The following EHBP1 variants were observed in gnomAD, a reference collection of about 807,000 sequenced individuals.
EHBP1 encodes EH domain-binding protein 1.
In EHBP1, 55 loss-of-function variants were observed where a neutral mutation model predicts 144.0. The ratio of observed to expected loss-of-function variants is 0.38; its 90% confidence interval spans 0.31 to 0.48. EHBP1 has a LOEUF of 0.48. Ranked by LOEUF, EHBP1 falls within the 20% of genes least tolerant of loss-of-function variation. The pLI, the probability that EHBP1 is intolerant of heterozygous loss-of-function variation, is 0.98. For synonymous variants in EHBP1, 469 were observed against 472.7 expected (o/e 0.99, Z 0.10); for missense variants, 1,200 against 1,364.2 (o/e 0.88, Z 1.90).
chr2:62,948,899 G>A lies in EHBP1; in HGVS notation c.2053G>A (p.Glu685Lys). The A allele has an allele frequency of 6.2e-7, 1 of 1,613,914 alleles. No individual in the cohort carries two copies. ...ACCCTTTATTTGTGAGGAGACAGAT[G>A]AACAAAAGCTTCAAACTCTAGACAT... ...SPPFICEETD[E>K]QKLQTLDIGS... Residue 685 changes from glutamate to lysine, a missense_variant, in exon 13 of 23, where the codon GAA (glutamate) becomes AAA (lysine). Glu to Lys is a moderately conservative substitution (Grantham distance 56, BLOSUM62 1). Transcript: ENST00000431489.
chr2:62,987,703 T>C (rs2059255028), intron 15 of EHBP1, among the ~76,000 whole-genome samples: 1 of 152,102 alleles, frequency 6.6e-6, no homozygotes, highest in Non-Finnish European at 1.5e-5. Context: ...GTCAAAACCT[T>C]TGCATCTGCT....
chr2:62,746,454 T>C (rs940263622), intron 2 of EHBP1, among the ~76,000 whole-genome samples: 1 of 152,024 alleles, frequency 6.6e-6, no homozygotes, highest in Non-Finnish European at 1.5e-5. Context: ...AGCACGGGAT[T>C]CCAGTGTAAA....
chr2:62,742,122 C>G (rs1473350429), intron 2 of EHBP1, among the ~76,000 whole-genome samples: 3 of 152,082 alleles, frequency 2.0e-5, no homozygotes, highest in African/African-American at 7.2e-5. Context: ...ACCATATAGT[C>G]TAGGTATGTA....
intron 10 of EHBP1, among the ~76,000 whole-genome samples, chr2:62,921,195 C>A (rs1430981772): frequency 6.6e-6 from 1 of 152,112 alleles, no homozygotes; most frequent in Non-Finnish European, 1.5e-5. Flanking sequence ...CCTGTAATCC[C>A]AGCACTTTGG....
intron 2 of EHBP1, among the ~76,000 whole-genome samples, chr2:62,737,664 G>C (rs1315070595): frequency 6.6e-6 from 1 of 152,072 alleles, no homozygotes; most frequent in Non-Finnish European, 1.5e-5. Context: ...AACTTTTGAG[G>C]AACTGCCAGA....
chr2:62,946,355 G>T (rs1202435576), intron 12 of EHBP1, among the ~76,000 whole-genome samples: 1 of 152,016 alleles, frequency 6.6e-6, no homozygotes, highest in African/African-American at 2.4e-5. Context: ...TTCCAGTACA[G>T]ACAATCATGG....
At chr2:62,889,800 T>G (rs1242215444) in intron 10 of EHBP1, among the ~76,000 whole-genome samples, 2 of 151,504 alleles carry the variant, frequency 1.3e-5, no homozygotes, top group African/African-American at 4.9e-5. Context: ...ATTTTGTCTG[T>G]TTTTTTTATG....
At chr2:62,792,799 G>T (rs2043252317) in intron 5 of EHBP1, among the ~76,000 whole-genome samples, 1 of 151,920 alleles carries the variant, frequency 6.6e-6, no homozygotes, top group African/African-American at 2.4e-5. Context: ...ATATTTAAGT[G>T]CTGCTTACCT....
At chr2:62,792,965 A>T (rs1215212108) in intron 5 of EHBP1, among the ~76,000 whole-genome samples, 1 of 151,884 alleles carries the variant, frequency 6.6e-6, no homozygotes, top group Non-Finnish European at 1.5e-5. Context: ...AAAAATTTTA[A>T]TATTTATTAC....
chr2:62,674,045 C>A, exon 1 of EHBP1: 1 of 471,054 alleles, frequency 2.1e-6, no homozygotes, highest in South Asian at 1.5e-5. Flanking sequence ...GAAGCCGAAT[C>A]AAAAAGCCAA....
chr2:62,708,861 C>G (rs759944324), intron 2 of EHBP1, among the ~76,000 whole-genome samples: 1 of 152,060 alleles, frequency 6.6e-6, no homozygotes, highest in Non-Finnish European at 1.5e-5. Flanking sequence ...GCTGGAAATT[C>G]AAGTAGTATA....
chr2:62,777,076 G>C (rs1245139784), intron 5 of EHBP1, among the ~76,000 whole-genome samples: 1 of 152,180 alleles, frequency 6.6e-6, no homozygotes, highest in Non-Finnish European at 1.5e-5. Context: ...CTGGGCTCAA[G>C]CGATCGTCCT....
intron 13 of EHBP1, among the ~76,000 whole-genome samples, chr2:62,950,468 A>G (rs1438754276): frequency 6.6e-6 from 1 of 152,162 alleles, no homozygotes; most frequent in Non-Finnish European, 1.5e-5. Context: ...TTTTGTTTTT[A>G]AAGTAATTAT....
At chr2:62,683,360 A>T (rs145173362) in intron 1 of EHBP1, among the ~76,000 whole-genome samples, 1 of 152,190 alleles carries the variant, frequency 6.6e-6, no homozygotes, top group East Asian at 1.9e-4. Flanking sequence ...AATGGTAGAG[A>T]CCTAAAGATG....
intron 2 of EHBP1, among the ~76,000 whole-genome samples, chr2:62,721,991 G>A (rs542810756): frequency 3.4e-4 from 51 of 152,030 alleles, no homozygotes; most frequent in African/African-American, 1.2e-3. Flanking sequence ...TCCCCAAGTG[G>A]CAACATTTTA....
chr2:62,981,543 C>T (rs985619987), intron 15 of EHBP1, among the ~76,000 whole-genome samples: 3 of 152,096 alleles, frequency 2.0e-5, no homozygotes, highest in Non-Finnish European at 4.4e-5. Flanking sequence ...ATTAAAAATC[C>T]TATTAATGAT....
intron 10 of EHBP1, among the ~76,000 whole-genome samples, chr2:62,884,780 T>C (rs1240586489): frequency 2.0e-5 from 3 of 152,342 alleles, no homozygotes; most frequent in South Asian, 4.1e-4. Flanking sequence ...TATATCTAAG[T>C]AGTTCCTGAA....
intron 7 of EHBP1, among the ~76,000 whole-genome samples, chr2:62,855,152 A>C (rs1195789748): frequency 6.6e-6 from 1 of 152,154 alleles, no homozygotes; most frequent in Non-Finnish European, 1.5e-5. Flanking sequence ...CTGCCCTCTC[A>C]GCCTCAGAAG....
intron 19 of EHBP1, among the ~76,000 whole-genome samples, chr2:63,014,845 G>A (rs1317001259): frequency 1.3e-5 from 2 of 152,174 alleles, no homozygotes; most frequent in Admixed American, 6.5e-5. Flanking sequence ...GAGTGTGGTG[G>A]CGCATGCCTG....
Sources: allele counts gnomAD v4.1 joint callset (sites outside exome capture counted in the v4.1 genomes callset), GRCh38; gene constraint gnomAD v4.1.1; transcripts MANE v1.5; gene names NCBI Gene and HGNC (gene_info 2026-07-23, HGNC 2026-07-21).